Variants in ADD3 observed in about 807,000 individuals in gnomAD.
The protein encoded by ADD3 is gamma-adducin.
Under a neutral mutation model 80.2 loss-of-function variants are expected in ADD3, and 25 were observed. That is an observed-to-expected ratio of 0.31 (90% CI 0.23 to 0.44). The LOEUF is 0.44. ADD3 is among the 20% of genes least tolerant of loss of function. ADD3 has a pLI of 1.00. For missense variants in ADD3, 829 were observed against 847.5 expected, an observed-to-expected ratio of 0.98 and a Z score of 0.27; for synonymous variants, 284 against 289.6, an observed-to-expected ratio of 0.98 and a Z score of 0.20.
At chr10:110,069,926 TC>T (rs1267812690) in intron 1 of ADD3, among the ~76,000 whole-genome samples, 1 of 152,234 alleles carries the variant, frequency 6.6e-6, no homozygotes, top group Non-Finnish European at 1.5e-5. Context: ...ATTGTAGGCT[TC>T]CTGTAGCTTA....
chr10:110,125,979 T>C lies in ADD3; in HGVS notation c.1521+34T>C, dbSNP rs377360626. On this transcript the variant is annotated intron_variant, in intron 11 of 14. Transcript: ENST00000356080. ...TGGTCTTCTATAGCCAGGGGAGACA[T>C]TTTAATTGCTTTATGTTTAAATCAC... The C allele has an allele frequency of 1.9e-6, 3 of 1,563,974 alleles. No homozygotes were observed. The African/African-American group carries it at 4.1e-5, about 21-fold the overall frequency.
At chr10:110,129,438 C>T (rs1041676565) in intron 12 of ADD3, among the ~76,000 whole-genome samples, 7 of 152,000 alleles carry the variant, frequency 4.6e-5, no homozygotes, top group South Asian at 2.1e-4. Flanking sequence ...TGTGAGCCAC[C>T]GCGCCCAGCC....
intron 1 of ADD3, among the ~76,000 whole-genome samples, chr10:110,073,146 T>C (rs1405139780): frequency 6.9e-6 from 1 of 144,056 alleles, no homozygotes; most frequent in East Asian, 1.9e-4. Context: ...TTCTTTTTTT[T>C]TTTTTTTTTT....
chr10:110,063,111 A>G (rs1425257885), intron 1 of ADD3, among the ~76,000 whole-genome samples: 1 of 152,174 alleles, frequency 6.6e-6, no homozygotes, highest in Non-Finnish European at 1.5e-5. Flanking sequence ...TTTAACGACT[A>G]GAAGGCCTAA....
intron 3 of ADD3, among the ~76,000 whole-genome samples, chr10:110,115,662 G>A (rs1349635206): frequency 1.3e-5 from 2 of 152,158 alleles, no homozygotes; most frequent in Non-Finnish European, 2.9e-5. Context: ...CATGGGCCTC[G>A]AGAAGAGTTC....
chr10:110,076,159 A>C (rs1845351257), intron 1 of ADD3, among the ~76,000 whole-genome samples: 1 of 152,198 alleles, frequency 6.6e-6, no homozygotes, highest in Non-Finnish European at 1.5e-5. Flanking sequence ...TTTTATGATT[A>C]TAGGAATTCA....
chr10:110,105,443 G>C (rs568756724), intron 2 of ADD3, among the ~76,000 whole-genome samples: 2 of 152,324 alleles, frequency 1.3e-5, no homozygotes, highest in Admixed American at 6.5e-5. Context: ...ACTAAATTCT[G>C]AATGCATGGA....
chr10:110,028,465 A>G (rs6584966), intron 1 of ADD3, among the ~76,000 whole-genome samples: 20,658 of 152,044 alleles, frequency 0.14, 4,507 homozygotes, highest in African/African-American at 0.46. Flanking sequence ...TCAGGAGGCC[A>G]AGGCAGGGAG....
At chr10:110,022,925 G>A (rs533018529) in intron 1 of ADD3, among the ~76,000 whole-genome samples, 102 of 152,172 alleles carry the variant, frequency 6.7e-4, no homozygotes, top group Non-Finnish European at 1.3e-3. Context: ...TGATATGGGA[G>A]AGGAAGTAGG....
At chr10:110,108,455 G>A (rs943666942) in intron 2 of ADD3, among the ~76,000 whole-genome samples, 16 of 152,064 alleles carry the variant, frequency 1.1e-4, no homozygotes, top group African/African-American at 3.4e-4. Flanking sequence ...TTATAACCTC[G>A]AGCAAGGCAT....
chr10:110,128,020 G>A (rs1852395693), intron 12 of ADD3, among the ~76,000 whole-genome samples: 1 of 150,260 alleles, frequency 6.7e-6, no homozygotes, highest in African/African-American at 2.4e-5. Flanking sequence ...AAGTAGGAAG[G>A]CATTGGAATT....
At chr10:110,101,060 T>A (rs1016773398) in intron 2 of ADD3, among the ~76,000 whole-genome samples, 2 of 152,210 alleles carry the variant, frequency 1.3e-5, no homozygotes, top group African/African-American at 4.8e-5. Flanking sequence ...TGTTTGGTGG[T>A]TTAAATTTTG....
intron 1 of ADD3, among the ~76,000 whole-genome samples, chr10:110,098,285 A>G (rs1187207065): frequency 6.6e-6 from 1 of 152,164 alleles, no homozygotes; most frequent in Non-Finnish European, 1.5e-5. Context: ...TGGCTAAGGG[A>G]CTGGATAGAA....
At chr10:110,008,558 C>A (rs962802094) in intron 1 of ADD3, among the ~76,000 whole-genome samples, 1 of 152,070 alleles carries the variant, frequency 6.6e-6, no homozygotes, top group African/African-American at 2.4e-5. Context: ...TGGCGGTGCA[C>A]GGCCTGCGGC....
chr10:110,120,465 AG>A (rs1209313016), intron 8 of ADD3, among the ~76,000 whole-genome samples: 1 of 151,814 alleles, frequency 6.6e-6, no homozygotes, highest in Non-Finnish European at 1.5e-5. Context: ...TTCTTAATCC[AG>A]TCTATCATTG....
At chr10:110,084,094 A>T (rs1006904628) in intron 1 of ADD3, among the ~76,000 whole-genome samples, 3 of 152,208 alleles carry the variant, frequency 2.0e-5, no homozygotes, top group African/African-American at 7.2e-5. Flanking sequence ...TCCTACTTCA[A>T]GCTGGAATTT....
chr10:110,065,255 T>C (rs1843756288), intron 1 of ADD3, among the ~76,000 whole-genome samples: 1 of 152,132 alleles, frequency 6.6e-6, no homozygotes, highest in Non-Finnish European at 1.5e-5. Flanking sequence ...GACTGACATC[T>C]TGTCACAGCA....
upstream of ADD3, among the ~76,000 whole-genome samples, chr10:110,004,319 G>C (rs1264482279): frequency 1.3e-5 from 2 of 151,062 alleles, no homozygotes; most frequent in Non-Finnish European, 2.9e-5. Flanking sequence ...CGGATCACAA[G>C]GTCAGGAGAT....
At chr10:110,006,423 T>C (rs1244090119), upstream of ADD3, among the ~76,000 whole-genome samples, 1 of 152,186 alleles carries the variant, frequency 6.6e-6, no homozygotes, top group Non-Finnish European at 1.5e-5. Context: ...CAAGAAAATA[T>C]CCAGCCACTC....
Sources: gnomAD v4.1 joint callset for allele counts (sites outside exome capture counted in the v4.1 genomes callset) on GRCh38, gnomAD v4.1.1 for gene constraint, MANE v1.5 for transcripts, NCBI Gene and HGNC (gene_info 2026-07-23, HGNC 2026-07-21) for gene names.